The following RAB27A variants were observed in gnomAD, a reference collection of about 807,000 sequenced individuals.
RAB27A encodes ras-related protein Rab-27A.
In RAB27A, 17 loss-of-function variants were observed where a neutral mutation model predicts 20.8. That is an observed-to-expected ratio of 0.82 (90% confidence interval 0.56 to 1.23). RAB27A has a LOEUF of 1.23. Among genes scored for constraint, RAB27A ranks in the 50% most tolerant of loss-of-function variants. RAB27A has a pLI of 0.00. For synonymous variants in RAB27A, 85 were observed against 92.8 expected (o/e 0.92, Z 0.48); for missense variants, 277 against 266.7 (o/e 1.04, Z -0.27).
At chr15:55,216,378 C>CA (rs1180401594) in intron 6 of RAB27A, among the ~76,000 whole-genome samples, 1 of 151,922 alleles carries the variant, frequency 6.6e-6, no homozygotes. Flanking sequence ...ACTAAAAACA[C>CA]AAAAATTAGC....
chr15:55,205,183 T>C lies in RAB27A; in HGVS notation c.*324A>G. 2.7e-6 allele frequency: 1 copy of C among 375,344 alleles called. No individual in the cohort carries two copies. Among genetic ancestry groups the C allele is most frequent in the South Asian group, 2.4e-5 (1 of 42,552 alleles). The allele number at this position is 375,344 out of a possible 1,614,324, so 23.3% of individuals were successfully genotyped here. A position where few individuals can be genotyped will look rare whatever the true frequency, so the allele number is the denominator to read the frequency against. ...TACATTAAGGCAGGTGACAGTACCC[T>C]CATTCATTCTACATAATAAATACAC... On this transcript the variant is annotated 3_prime_UTR_variant, in exon 7 of 7. Transcript: ENST00000336787.
At chr15:55,276,222 A>C (rs1484397750) in intron 1 of RAB27A, among the ~76,000 whole-genome samples, 4 of 152,182 alleles carry the variant, frequency 2.6e-5, no homozygotes, top group South Asian at 2.1e-4. Flanking sequence ...CTCAATGTCC[A>C]CTGACAATGA....
chr15:55,233,468 T>G (rs781526010), intron 3 of RAB27A, among the ~76,000 whole-genome samples: 1 of 152,300 alleles, frequency 6.6e-6, no homozygotes, highest in Non-Finnish European at 1.5e-5. Flanking sequence ...CAAAATGGTG[T>G]ATCAATACAA....
chr15:55,302,328 G>A (rs888787971), intron 2 of RAB27A, among the ~76,000 whole-genome samples: 13 of 152,066 alleles, frequency 8.5e-5, no homozygotes, highest in South Asian at 2.1e-4. Flanking sequence ...CGCCAACCTC[G>A]GCCTCCCGAG....
intron 3 of RAB27A, among the ~76,000 whole-genome samples, chr15:55,232,472 G>GA (rs1269866330): frequency 2.0e-5 from 3 of 151,982 alleles, no homozygotes; most frequent in Non-Finnish European, 4.4e-5. Flanking sequence ...TCATGCGCAG[G>GA]AAAAAAACAA....
At chr15:55,253,652 G>A (rs1469063769) in intron 2 of RAB27A, among the ~76,000 whole-genome samples, 1 of 151,652 alleles carries the variant, frequency 6.6e-6, no homozygotes, top group Non-Finnish European at 1.5e-5. Context: ...ATGCCTCTGA[G>A]AAAGATATTT....
rs199813098 is a variant in RAB27A at position 55,217,663 on chromosome 15, CAAAAAAAAAAAAAAAAAAA to C, written c.467+6207_467+6225del. 8.5e-4 allele frequency among the ~76,000 whole-genome samples: 37 copies of C among 43,548 alleles called. 1 individual carries two copies. Among genetic ancestry groups the C allele is most frequent in the African/African-American group, 3.1e-3 (35 of 11,410 alleles). The allele number at this position is 43,548 out of a possible 152,430, so 28.6% of individuals were successfully genotyped here. A position where few individuals can be genotyped will look rare whatever the true frequency, so the allele number is the denominator to read the frequency against. On this transcript the variant is annotated intron_variant, in intron 6 of 6. Transcript: ENST00000336787. The stretch of plus-strand genomic sequence containing the variant: ...TGGGTGACAGAGCTACACTCCATCT[CAAAAAAAAAAAAAAAAAAA>C]AAAAAAAAAAAAATTCAAGAGGATG...
At chr15:55,220,665 A>G (rs1895528675) in intron 6 of RAB27A, among the ~76,000 whole-genome samples, 1 of 152,260 alleles carries the variant, frequency 6.6e-6, no homozygotes, top group Non-Finnish European at 1.5e-5. Flanking sequence ...ATATGAAGAT[A>G]TGCCATAAAC....
At chr15:55,243,626 C>CAA (rs397948720) in intron 2 of RAB27A, among the ~76,000 whole-genome samples, 25 of 138,262 alleles carry the variant, frequency 1.8e-4, no homozygotes, top group South Asian at 7.0e-4. Context: ...GACTCTATCT[C>CAA]AAAAAAAAAA....
chr15:55,317,934 C>G (rs2055065304), intron 1 of RAB27A: 3 of 382,786 alleles, frequency 7.8e-6, no homozygotes, highest in Non-Finnish European at 1.4e-5. Flanking sequence ...TGTTATGTCA[C>G]TACTTTGCAC....
intron 2 of RAB27A, among the ~76,000 whole-genome samples, chr15:55,256,458 A>G (rs1272931171): frequency 6.6e-6 from 1 of 152,224 alleles, no homozygotes. Context: ...GACTCAAAGC[A>G]AGAGCCAGGA....
intron 2 of RAB27A, among the ~76,000 whole-genome samples, chr15:55,300,387 G>C (rs180808493): frequency 6.6e-6 from 1 of 151,984 alleles, no homozygotes; most frequent in Non-Finnish European, 1.5e-5. Flanking sequence ...AAGACAAAAG[G>C]GGTGTTTCTT....
Position 55,206,990 on chromosome 15 carries a change from A to G in RAB27A, c.468-1285T>C, listed in dbSNP as rs570886617. Among the ~76,000 whole-genome samples the G allele has an allele frequency of 9.2e-5, 14 of 152,302 alleles. No individual in the cohort carries two copies. In the South Asian group the frequency reaches 1.7e-3, roughly 18 times the overall value. The stretch of plus-strand genomic sequence containing the variant: ...GAATTAAAGTAATAAACAAGATAAT[A>G]CAAAACAGACTAAGGATATGCACGG... On this transcript the variant is annotated intron_variant, in intron 6 of 6. Coordinates refer to ENST00000336787, the MANE Select transcript of RAB27A (RefSeq NM_183235.3).
chr15:55,268,111 A>G (rs1247257657), intron 2 of RAB27A, among the ~76,000 whole-genome samples: 3 of 152,226 alleles, frequency 2.0e-5, no homozygotes, highest in Non-Finnish European at 2.9e-5. Flanking sequence ...TTCTATGGAT[A>G]AAATGCCCTC....
At chr15:55,245,499 T>C (rs979375265) in intron 2 of RAB27A, among the ~76,000 whole-genome samples, 5 of 152,242 alleles carry the variant, frequency 3.3e-5, no homozygotes, top group African/African-American at 1.2e-4. Context: ...ATTAGATAAC[T>C]GCATTTTATA....
chr15:55,284,108 G>A (rs1898087953), intron 1 of RAB27A, among the ~76,000 whole-genome samples: 2 of 152,186 alleles, frequency 1.3e-5, no homozygotes, highest in Admixed American at 6.5e-5. Flanking sequence ...TAGTGGTTCT[G>A]AAATATGGTA....
At chr15:55,213,499 A>G (rs1349164350) in intron 6 of RAB27A, among the ~76,000 whole-genome samples, 3 of 152,222 alleles carry the variant, frequency 2.0e-5, no homozygotes, top group Non-Finnish European at 4.4e-5. Context: ...GACTGGTACC[A>G]ATCCATGGCC....
At chr15:55,308,693 G>A (rs1230423028) in intron 2 of RAB27A, among the ~76,000 whole-genome samples, 1 of 152,226 alleles carries the variant, frequency 6.6e-6, no homozygotes, top group Non-Finnish European at 1.5e-5. Context: ...GTTAAGAGTT[G>A]CACAAATGCG....
intron 2 of RAB27A, among the ~76,000 whole-genome samples, chr15:55,267,571 T>C (rs1446860178): frequency 6.6e-6 from 1 of 152,106 alleles, no homozygotes; most frequent in Non-Finnish European, 1.5e-5. Flanking sequence ...CGCAAATAAA[T>C]AATGGTTCTT....
Sources: gnomAD v4.1 joint callset for allele counts (sites outside exome capture counted in the v4.1 genomes callset) on GRCh38, gnomAD v4.1.1 for gene constraint, MANE v1.5 for transcripts, NCBI Gene and HGNC (gene_info 2026-07-23, HGNC 2026-07-21) for gene names.